The following SLC2A8 variants were observed in gnomAD, a reference collection of about 807,000 sequenced individuals.
The protein encoded by SLC2A8 is solute carrier family 2, facilitated glucose transporter member 8.
In SLC2A8, 53 loss-of-function variants were observed where a neutral mutation model predicts 49.2. The observed-to-expected ratio is 1.08, with a 90% CI of 0.86 to 1.35. The LOEUF (loss-of-function observed/expected upper bound fraction) is 1.35, where lower values mean the gene tolerates loss of function less well. Ranked by LOEUF, SLC2A8 falls within the 40% of genes most tolerant of loss-of-function variation. The probability of loss-of-function intolerance (pLI) is 0.00; values close to 1 mark genes in which losing one functional copy is unlikely to be tolerated. For missense variants in SLC2A8, 688 were observed against 671.7 expected (o/e 1.02, Z -0.27); for synonymous variants, 299 against 297.0 (o/e 1.01, Z -0.07).
rs939692340 is a variant in SLC2A8 at position 127,397,373 on chromosome 9, C to A, written c.57-3C>A. 2.0e-6 allele frequency: 3 copies of A among 1,463,600 alleles called. No individual in the cohort carries two copies. Among genetic ancestry groups the A allele is most frequent in the South Asian group, 2.6e-5 (2 of 75,732 alleles). The allele number at this position is 1,463,600 out of a possible 1,614,324, so 90.7% of individuals were successfully genotyped here. The stretch of plus-strand genomic sequence containing the variant: ...CCGCTCACCCTCGGCCCTGTCCCCC[C>A]AGCGCGCCCCGCGGCCGCCGCGTCT... On this transcript the variant is annotated splice_region_variant and splice_polypyrimidine_tract_variant and intron_variant, in intron 1 of 9. Transcript: ENST00000373371.
At chr9:127,405,043 C>A in intron 8 of SLC2A8, 52 bp downstream of exon 8, 1 of 1,557,498 alleles carries the variant, frequency 6.4e-7, no homozygotes, top group Non-Finnish European at 8.7e-7. Context: ...ATCCCCCCGG[C>A]CCTGCTGTGG....
At chr9:127,404,374 G>A (rs1188962279) in intron 7 of SLC2A8, 2 of 349,476 alleles carry the variant, frequency 5.7e-6, no homozygotes, top group Non-Finnish European at 1.1e-5. Context: ...GGTCCTTTTG[G>A]ACAAGTGACT....
In SLC2A8 at chr9:127,397,179, G is replaced by A; in HGVS notation, c.-52G>A. 7.0e-7 allele frequency: 1 copy of A among 1,430,942 alleles called. No homozygotes were observed. Among genetic ancestry groups the A allele is most frequent in the Non-Finnish European group, 9.1e-7 (1 of 1,100,478 alleles). 88.6% of individuals were successfully genotyped at this position (1,430,942 alleles called of 1,614,324 possible). On this transcript the variant is annotated 5_prime_UTR_variant, in exon 1 of 10. Transcript: ENST00000373371. ...AGGCCGGTGCGGGCCGCACTCGCAG[G>A]GCCCGTGGCGGTTCAGGCGCCAGAG...
At position 127,402,541 on chromosome 9, in the gene SLC2A8, C is replaced by A. The variant is rs1431821754; in HGVS notation, c.527-16C>A. 1 of 1,506,770 alleles carries A rather than the reference C, an allele frequency of 6.6e-7. No individual in the cohort carries two copies. The highest frequency in any genetic ancestry group is 2.4e-5 in the East Asian group (1 of 40,836). The allele number at this position is 1,506,770 out of a possible 1,614,324, so 93.3% of individuals were successfully genotyped here. A position where few individuals can be genotyped will look rare whatever the true frequency, so the allele number is the denominator to read the frequency against. On this transcript the variant is annotated splice_polypyrimidine_tract_variant and intron_variant, in intron 4 of 9. Transcript: ENST00000373371. ...CCCTGGCTCTGACGCCAGCCTCCTC[C>A]ACCCACCCCCCGCAGGCTGGGTGCT...
intron 4 of SLC2A8, among the ~76,000 whole-genome samples, chr9:127,400,359 G>C (rs1040373099): frequency 6.6e-6 from 1 of 151,952 alleles, no homozygotes; most frequent in Non-Finnish European, 1.5e-5. Context: ...GGGTTTCACC[G>C]TGTTAGCCAG....
chr9:127,400,028 G>T, intron 4 of SLC2A8, 22 bp downstream of exon 4: 3 of 1,604,784 alleles, frequency 1.9e-6, no homozygotes, highest in Non-Finnish European at 2.6e-6. Flanking sequence ...ATTATCTCTT[G>T]CTTCCTGTTT....
intron 9 of SLC2A8, chr9:127,406,102 GAC>G: frequency 1.9e-6 from 1 of 517,122 alleles, no homozygotes; most frequent in East Asian, 5.4e-5. Flanking sequence ...CCAACAGAGA[GAC>G]AGTTCTGGGG....
At position 127,407,345 on chromosome 9, in the gene SLC2A8, T is replaced by C; in HGVS notation, c.*96T>C. On this transcript the variant is annotated 3_prime_UTR_variant, in exon 10 of 10. Coordinates refer to ENST00000373371, the MANE Select transcript of SLC2A8 (RefSeq NM_014580.5). ...CCCAGGGGAGCCAGAATCCAGCCCC[T>C]TGGAGCCTTGGTCTGCAGGGTCCCT... 1 of 1,486,314 alleles carries C rather than the reference T, an allele frequency of 6.7e-7. No individual in the cohort carries two copies. Among genetic ancestry groups the C allele is most frequent in the Non-Finnish European group, 9.4e-7 (1 of 1,068,062 alleles). The allele number at this position is 1,486,314 out of a possible 1,614,324, so 92.1% of individuals were successfully genotyped here.
chr9:127,397,423 T>G lies in SLC2A8; in HGVS notation c.104T>G (p.Leu35Arg), dbSNP rs1833069203. Residue 35 changes from leucine to arginine, a missense_variant, in exon 2 of 10, where the codon CTG becomes CGG. Coordinates refer to ENST00000373371, the MANE Select transcript of SLC2A8 (RefSeq NM_014580.5). Reference sequence around the variant, plus strand: ...TTCCTCGCCGCCTTCGCCGCTGCCCTGGGCCCACTCAGCTTCGGCTTCGCG... The same window carrying G: ...TTCCTCGCCGCCTTCGCCGCTGCCCGGGGCCCACTCAGCTTCGGCTTCGCG... ...RVFLAAFAAALGPLSFGFALG... is the reference protein window; with the variant it reads ...RVFLAAFAAARGPLSFGFALG... The G allele has an allele frequency of 2.7e-6, 4 of 1,485,766 alleles. No individual in the cohort carries two copies. The East Asian group carries it at 8.8e-5, about 33-fold the overall frequency. The allele number at this position is 1,485,766 out of a possible 1,614,324, so 92.0% of individuals were successfully genotyped here.
Position 127,397,246 on chromosome 9 carries a change from C to A in SLC2A8, c.16C>A (p.Pro6Thr). 6.9e-7 allele frequency: 1 copy of A among 1,440,610 alleles called. No homozygotes were observed. Among genetic ancestry groups the A allele is most frequent in the South Asian group, 1.4e-5 (1 of 72,016 alleles). The allele number at this position is 1,440,610 out of a possible 1,614,324, so 89.2% of individuals were successfully genotyped here. ...GGCCGCCGACATGACGCCCGAGGAC[C>A]CAGAGGAAACCCAGCCGCTTCTGGG... Reference protein sequence around the residue: MTPEDPEETQPLLGPP... With the variant: MTPEDTEETQPLLGPP... The change falls in exon 1 of 10, where the codon CCA (proline) becomes ACA (threonine). Residue 6 changes from proline to threonine, a missense_variant. Transcript: ENST00000373371.
chr9:127,402,540 C>A lies in SLC2A8; in HGVS notation c.527-17C>A. The A allele has an allele frequency of 6.7e-7, 1 of 1,503,364 alleles. No homozygotes were observed. 93.1% of individuals were successfully genotyped at this position (1,503,364 alleles called of 1,614,324 possible). A position where few individuals can be genotyped will look rare whatever the true frequency, so the allele number is the denominator to read the frequency against. ...ACCCTGGCTCTGACGCCAGCCTCCTCCACCCACCCCCCGCAGGCTGGGTGC... is the reference window on the plus strand; with the variant it reads ...ACCCTGGCTCTGACGCCAGCCTCCTACACCCACCCCCCGCAGGCTGGGTGC... On this transcript the variant is annotated splice_polypyrimidine_tract_variant and intron_variant, in intron 4 of 9. Transcript: ENST00000373371.
intron 8 of SLC2A8, 89 bp downstream of exon 8, chr9:127,405,080 C>T: frequency 7.3e-7 from 1 of 1,376,834 alleles, no homozygotes; most frequent in African/African-American, 1.4e-5. Context: ...GGGTCTTCCC[C>T]AGCCTCACCT....
At position 127,403,677 on chromosome 9, in the gene SLC2A8, G is replaced by C. The variant is rs751954860; in HGVS notation, c.741G>C (p.Leu247=). 6.2e-7 allele frequency: 1 copy of C among 1,613,026 alleles called. No individual in the cohort carries two copies. The highest frequency in any genetic ancestry group is 8.5e-7 in the Non-Finnish European group (1 of 1,179,938). ...CAGAGCAGAGCTTTCACCTGGCCCT[G>C]CTGCGGCAGCCCGGCATCTACAAGC... ...IGAEQSFHLA[L]LRQPGIYKPF... The change falls in exon 6 of 10, where the codon CTG becomes CTC. Residue 247 remains leucine, a synonymous_variant. Transcript: ENST00000373371.
In SLC2A8 at chr9:127,399,940, C is replaced by CG; in HGVS notation, c.465dup (p.Leu156ValfsTer85). On this transcript the variant is annotated frameshift_variant, in exon 4 of 10. Coordinates refer to ENST00000373371, the MANE Select transcript of SLC2A8 (RefSeq NM_014580.5). LOFTEE classifies it high-confidence loss of function. This position sits in a 1 kb window ranked among gnomAD's most constrained non-coding sequence, Gnocchi z 4.2. ...CTCCGAAATCGCCTACCCAGCAGTC[C>CG]GGGGGTTGCTCGGCTCCTGTGTGCA... 1 of 1,613,788 alleles carries CG rather than the reference C, an allele frequency of 6.2e-7. No homozygotes were observed. Among genetic ancestry groups the CG allele is most frequent in the Non-Finnish European group, 8.5e-7 (1 of 1,179,822 alleles).
chr9:127,397,491 G>T lies in SLC2A8; in HGVS notation c.172G>T (p.Ala58Ser). The change falls in exon 2 of 10, where the codon GCG (alanine) becomes TCG (serine). Residue 58 changes from alanine (A) to serine (S), a missense_variant. By Grantham distance (99) the Ala-to-Ser change is moderately conservative. Coordinates refer to ENST00000373371, the MANE Select transcript of SLC2A8 (RefSeq NM_014580.5). The part of the protein sequence containing the change: ...SPAIPSLQRA[A>S]PPAPRLDDAA... ...GGCCATCCCTAGCCTGCAGCGCGCC[G>T]CGCCCCCGGCCCCGCGCCTGGACGA... 5 of 1,458,722 alleles carry T rather than the reference G, an allele frequency of 3.4e-6. No individual in the cohort carries two copies. Among genetic ancestry groups the T allele is most frequent in the Non-Finnish European group, 3.6e-6 (4 of 1,115,212 alleles). 90.4% of individuals were successfully genotyped at this position (1,458,722 alleles called of 1,614,324 possible).
At position 127,397,175 on chromosome 9, in the gene SLC2A8, G is replaced by T; in HGVS notation, c.-56G>T. ...CGAGAGGCCGGTGCGGGCCGCACTC[G>T]CAGGGCCCGTGGCGGTTCAGGCGCC... is the stretch of plus-strand genomic sequence containing the variant. On this transcript the variant is annotated 5_prime_UTR_variant, in exon 1 of 10. Coordinates refer to ENST00000373371, the MANE Select transcript of SLC2A8 (RefSeq NM_014580.5). 4.2e-6 allele frequency: 6 copies of T among 1,424,002 alleles called. No individual in the cohort carries two copies. The highest frequency in any genetic ancestry group is 5.5e-6 in the Non-Finnish European group (6 of 1,096,458). 88.2% of individuals were successfully genotyped at this position (1,424,002 alleles called of 1,614,324 possible). A position where few individuals can be genotyped will look rare whatever the true frequency, so the allele number is the denominator to read the frequency against.
chr9:127,397,493 G>A lies in SLC2A8; in HGVS notation c.174G>A (p.Ala58=). The A allele has an allele frequency of 2.1e-6, 3 of 1,452,352 alleles. No homozygotes were observed. Among genetic ancestry groups the A allele is most frequent in the Non-Finnish European group, 2.7e-6 (3 of 1,112,734 alleles). The allele number at this position is 1,452,352 out of a possible 1,614,324, so 90.0% of individuals were successfully genotyped here. ...SPAIPSLQRA[A]PPAPRLDDAA... is the part of the protein sequence containing the mutation. Reference sequence around the variant, plus strand: ...CCATCCCTAGCCTGCAGCGCGCCGCGCCCCCGGCCCCGCGCCTGGACGACG... The same window carrying A: ...CCATCCCTAGCCTGCAGCGCGCCGCACCCCCGGCCCCGCGCCTGGACGACG... The change falls in exon 2 of 10, where the codon GCG becomes GCA. Residue 58 remains alanine, a synonymous_variant. Transcript: ENST00000373371.
intron 4 of SLC2A8, among the ~76,000 whole-genome samples, chr9:127,401,269 T>C (rs139367086): frequency 4.7e-4 from 72 of 152,348 alleles, no homozygotes; most frequent in African/African-American, 1.5e-3. Flanking sequence ...ATTAAATTAA[T>C]TGACACATGA....
chr9:127,398,592 G>A (rs1471128893), intron 3 of SLC2A8, among the ~76,000 whole-genome samples: 3 of 152,172 alleles, frequency 2.0e-5, no homozygotes, highest in African/African-American at 7.2e-5. Context: ...TCACAGGCCA[G>A]CCCCTCTGGC....
Sources: gnomAD v4.1 joint callset for allele counts (sites outside exome capture counted in the v4.1 genomes callset) on GRCh38, gnomAD v4.1.1 for gene constraint, Gnocchi (gnomAD v3.1) non-coding constraint, MANE v1.5 for transcripts, NCBI Gene and HGNC (gene_info 2026-07-23, HGNC 2026-07-21) for gene names.